The following VIPR2 variants were observed in gnomAD, a reference collection of about 807,000 sequenced individuals.
VIPR2 encodes vasoactive intestinal peptide receptor 2.
A neutral mutation model predicts 58.0 loss-of-function variants in VIPR2; 48 were observed. That is an observed-to-expected ratio of 0.83 (90% CI 0.66 to 1.05). The LOEUF (loss-of-function observed/expected upper bound fraction) is 1.05, where lower values mean the gene tolerates loss of function less well. Among genes scored for constraint, VIPR2 ranks in the 50% least tolerant of loss-of-function variants. The probability of loss-of-function intolerance (pLI) is 0.00; values close to 1 mark genes in which losing one functional copy is unlikely to be tolerated. For missense variants in VIPR2, 534 were observed against 558.0 expected (o/e 0.96, Z 0.43); for synonymous variants, 243 against 235.2 (o/e 1.03, Z -0.30).
chr7:159,063,123 C>G (rs1206591106), intron 4 of VIPR2, among the ~76,000 whole-genome samples: 1 of 152,240 alleles, frequency 6.6e-6, no homozygotes, highest in Non-Finnish European at 1.5e-5. Context: ...GAGCTGCCCC[C>G]AGTTTTGCGC....
rs779299213 is a variant in VIPR2 at position 159,079,173 on chromosome 7, G to A, written c.358-20595C>T. Among the ~76,000 whole-genome samples, 13 of 152,072 alleles carry A rather than the reference G, an allele frequency of 8.5e-5. 1 individual carries two copies. The highest frequency in any genetic ancestry group is 6.6e-4 in the Admixed American group (10 of 15,244). On this transcript the variant is annotated intron_variant, in intron 4 of 12. Transcript: ENST00000262178. ...AGGGACTGACCTTCGCCCCAACCAC[G>A]GCTCCACCCGCTCAGTGAGATTCCA... is the stretch of plus-strand genomic sequence containing the variant.
chr7:159,054,583 CA>C (rs1416779138), intron 5 of VIPR2, among the ~76,000 whole-genome samples: 1 of 152,150 alleles, frequency 6.6e-6, no homozygotes, highest in African/African-American at 2.4e-5. Context: ...CCAGGGAAAT[CA>C]GGGAAATGTA....
intron 4 of VIPR2, among the ~76,000 whole-genome samples, chr7:159,079,178 C>T (rs532962295): frequency 6.6e-6 from 1 of 152,300 alleles, no homozygotes; most frequent in East Asian, 1.9e-4. Flanking sequence ...ACCACGGCTC[C>T]ACCCGCTCAG....
intron 2 of VIPR2, among the ~76,000 whole-genome samples, chr7:159,123,288 TAAAAAAAA>T (rs370294230): frequency 3.4e-3 from 251 of 72,876 alleles, no homozygotes; most frequent in African/African-American, 0.012. Flanking sequence ...CAAGACTCTG[TAAAAAAAA>T]AAAAAAAAAA....
Position 159,100,850 on chromosome 7 carries a change from C to T in VIPR2, c.357+2907G>A, listed in dbSNP as rs191308311. Among the ~76,000 whole-genome samples, 19 of 151,200 alleles carry T rather than the reference C, an allele frequency of 1.3e-4. 1 individual carries two copies. Among genetic ancestry groups the T allele is most frequent in the East Asian group, 3.9e-4 (2 of 5,124 alleles). ...ACGAGATCTGACGAGGCTGTTCCCC[C>T]GACTGTTCCTGTGATAGTGAATGGG... On this transcript the variant is annotated intron_variant, in intron 4 of 12. Transcript: ENST00000262178.
rs374185547 is a variant in VIPR2 at position 159,034,228 on chromosome 7, T to A, written c.956A>T (p.Asp319Val). ...KLTSPDVGGN[D>V]QSQYKRLAKS... ...ACACACTCACTTGTACTGAGACTGG[T>A]CGTTGCCGCCGACATCTGGGGATGT... Residue 319 changes from aspartate to valine, a missense_variant, in exon 10 of 13, where the codon GAC (aspartate) becomes GTC (valine). Asp to Val is a radical substitution (Grantham distance 152). Coordinates refer to ENST00000262178, the MANE Select transcript of VIPR2 (RefSeq NM_003382.5). 5.6e-6 allele frequency: 9 copies of A among 1,613,916 alleles called. No individual in the cohort carries two copies. Among genetic ancestry groups the A allele is most frequent in the Non-Finnish European group, 7.6e-6 (9 of 1,179,996 alleles).
intron 5 of VIPR2, among the ~76,000 whole-genome samples, chr7:159,046,535 G>A (rs554426859): frequency 1.3e-5 from 2 of 150,380 alleles, no homozygotes; most frequent in Admixed American, 1.3e-4. Context: ...CGGAGGGTAT[G>A]GGGAGTGACT....
chr7:159,032,358 G>A (rs1292034908), intron 10 of VIPR2, among the ~76,000 whole-genome samples: 3 of 152,338 alleles, frequency 2.0e-5, no homozygotes, highest in East Asian at 3.9e-4. Flanking sequence ...TGGCTGGCAG[G>A]GGCAAGATTC....
At chr7:159,051,998 T>C (rs1179503916) in intron 5 of VIPR2, among the ~76,000 whole-genome samples, 5 of 152,140 alleles carry the variant, frequency 3.3e-5, no homozygotes, top group East Asian at 1.9e-4. Flanking sequence ...TTAAATAACA[T>C]TGAAAAACGA....
chr7:159,030,939 G>A lies in VIPR2; in HGVS notation c.1144-150C>T, dbSNP rs185746872. The A allele has an allele frequency of 6.7e-5, 74 of 1,111,934 alleles. No individual in the cohort carries two copies. In the African/African-American group the frequency reaches 1.1e-3, roughly 16 times the overall value. The allele number at this position is 1,111,934 out of a possible 1,614,324, so 68.9% of individuals were successfully genotyped here. ...GATGGACAGAAACAGAAACGGCCTT[G>A]GGGGCAGAGGCTGGAGGGAGCGGGA... is the stretch of plus-strand genomic sequence containing the variant. On this transcript the variant is annotated intron_variant, in intron 12 of 12. Coordinates refer to ENST00000262178, the MANE Select transcript of VIPR2 (RefSeq NM_003382.5).
chr7:159,063,841 GTCTGGGGGGCCTGGTGGGT>G lies in VIPR2; in HGVS notation c.358-5282_358-5264del, dbSNP rs1330836370. Among the ~76,000 whole-genome samples the G allele has an allele frequency of 1.3e-3, 124 of 94,378 alleles. 5 individuals carry two copies. Among genetic ancestry groups the G allele is most frequent in the African/African-American group, 5.4e-3 (111 of 20,694 alleles). The allele number at this position is 94,378 out of a possible 152,430, so 61.9% of individuals were successfully genotyped here. A position where few individuals can be genotyped will look rare whatever the true frequency, so the allele number is the denominator to read the frequency against. ...GGTGGGGTCCGGGGGTCCTGGTGGG[GTCTGGGGGGCCTGGTGGGT>G]TCCGGGGGTCCTGGTGGGGTCTGGG... On this transcript the variant is annotated intron_variant, in intron 4 of 12. Transcript: ENST00000262178.
chr7:159,047,369 G>C (rs970327149), intron 5 of VIPR2, among the ~76,000 whole-genome samples: 9 of 152,140 alleles, frequency 5.9e-5, no homozygotes, highest in Non-Finnish European at 1.2e-4. Flanking sequence ...TTAATATTTT[G>C]AATTCTTTAA....
chr7:159,039,368 C>T lies in VIPR2; in HGVS notation c.598-2466G>A, dbSNP rs76512590. The stretch of plus-strand genomic sequence containing the variant: ...TGACACCTGCCTGTGATCCCAGCTA[C>T]TCAGAAGGCTGAGACATGAGAATCG... On this transcript the variant is annotated intron_variant, in intron 6 of 12. Coordinates refer to ENST00000262178, the MANE Select transcript of VIPR2 (RefSeq NM_003382.5). Among the ~76,000 whole-genome samples, 39 of 152,314 alleles carry T rather than the reference C, an allele frequency of 2.6e-4. No homozygotes were observed. The South Asian group carries it at 4.4e-3, about 17-fold the overall frequency.
In VIPR2 at chr7:159,030,699, G is replaced by A; in HGVS notation, c.1234C>T (p.Arg412Cys). ...DYRVCGSSFS[R>C]NGSEGALQFH... ...TGCAGGGCGCCCTCCGAGCCGTTGC[G>A]GGAGAAGGAGGAACCGCAGACCCTG... Residue 412 changes from arginine (R) to cysteine (C), a missense_variant, in exon 13 of 13, where the codon CGC becomes TGC. Coordinates refer to ENST00000262178, the MANE Select transcript of VIPR2 (RefSeq NM_003382.5). The A allele has an allele frequency of 6.3e-7, 1 of 1,585,766 alleles. No individual in the cohort carries two copies. The highest frequency in any genetic ancestry group is 1.2e-5 in the South Asian group (1 of 86,856).
intron 6 of VIPR2, 118 bp downstream of exon 6, chr7:159,042,917 C>G: frequency 7.4e-7 from 1 of 1,353,772 alleles, no homozygotes; most frequent in East Asian, 2.6e-5. Context: ...TGTTTCTCAG[C>G]CATGACCCTG....
At chr7:159,142,650 G>C in intron 1 of VIPR2, 105 bp from the exon 2 acceptor site, 1 of 726,684 alleles carries the variant, frequency 1.4e-6, no homozygotes, top group Non-Finnish European at 2.2e-6. Flanking sequence ...GCTTTAAACT[G>C]CTTCCAAACC....
At chr7:159,075,115 T>A (rs17837870) in intron 4 of VIPR2, among the ~76,000 whole-genome samples, 2,971 of 152,336 alleles carry the variant, frequency 0.02, 103 homozygotes, top group African/African-American at 0.066. Context: ...CCTTTGCAGA[T>A]GCTTTTGAAA....
At chr7:159,068,961 G>A (rs1176029454) in intron 4 of VIPR2, among the ~76,000 whole-genome samples, 1 of 152,206 alleles carries the variant, frequency 6.6e-6, no homozygotes, top group Non-Finnish European at 1.5e-5. Context: ...AAAGAGAACT[G>A]CACAGGAATA....
chr7:159,032,109 G>C (rs369406175), intron 10 of VIPR2, 42 bp from the exon 11 acceptor site: 8 of 1,610,826 alleles, frequency 5.0e-6, no homozygotes, highest in African/African-American at 2.7e-5. Context: ...CTGGACCCTC[G>C]GACCCTCTGC....
Sources: gnomAD v4.1 joint callset for allele counts (sites outside exome capture counted in the v4.1 genomes callset) on GRCh38, gnomAD v4.1.1 for gene constraint, MANE v1.5 for transcripts, NCBI Gene and HGNC (gene_info 2026-07-23, HGNC 2026-07-21) for gene names.